Variants in SFMBT1 observed in about 807,000 individuals in gnomAD.
The protein encoded by SFMBT1 is Scm like with four mbt domains 1, also known as scm-like with four MBT domains protein 1.
SFMBT1 carries 32 observed loss-of-function variants against 108.7 expected under a neutral mutation model. The ratio of observed to expected loss-of-function variants is 0.29; its 90% confidence interval spans 0.22 to 0.40. The LOEUF is 0.40. Ranked by LOEUF, SFMBT1 falls within the 10% of genes least tolerant of loss-of-function variation. The probability of loss-of-function intolerance (pLI) is 1.00; values close to 1 mark genes in which losing one functional copy is unlikely to be tolerated. For missense variants in SFMBT1, 816 were observed against 1,059.6 expected (o/e 0.77, Z 3.19); for synonymous variants, 348 against 369.5 (o/e 0.94, Z 0.67).
At position 52,923,337 on chromosome 3, in the gene SFMBT1, G is replaced by A. The variant is rs749976477; in HGVS notation, c.1132-1506C>T. 1.2e-4 allele frequency among the ~76,000 whole-genome samples: 18 copies of A among 152,216 alleles called. 1 individual carries two copies. In the Middle Eastern group the frequency reaches 0.01, roughly 86 times the overall value. ...TCCCAGCACTTTGGGAGGCTGAGGC[G>A]GGTGGATCGCCTGAGGTCAGGAATT... On this transcript the variant is annotated intron_variant, in intron 10 of 20. Transcript: ENST00000394752.
intron 8 of SFMBT1, among the ~76,000 whole-genome samples, chr3:52,929,625 C>G (rs1207714351): frequency 6.6e-6 from 1 of 152,252 alleles, no homozygotes; most frequent in African/African-American, 2.4e-5. Context: ...CACCTGCAGG[C>G]TCAGAATCCC....
chr3:52,977,778 A>G (rs911372874), intron 1 of SFMBT1, among the ~76,000 whole-genome samples: 1 of 152,236 alleles, frequency 6.6e-6, no homozygotes, highest in Non-Finnish European at 1.5e-5. Flanking sequence ...TAACGTGGTC[A>G]GGAAGAATAC....
At chr3:52,990,775 T>C (rs1705093831) in intron 1 of SFMBT1, among the ~76,000 whole-genome samples, 1 of 152,142 alleles carries the variant, frequency 6.6e-6, no homozygotes, top group Non-Finnish European at 1.5e-5. Flanking sequence ...CTAAGGAGTT[T>C]TGGCCTTGGG....
intron 1 of SFMBT1, among the ~76,000 whole-genome samples, chr3:52,993,870 C>T (rs1215557406): frequency 6.7e-6 from 1 of 150,010 alleles, no homozygotes; most frequent in Non-Finnish European, 1.5e-5. Flanking sequence ...ACAGAAGCAT[C>T]GTAAGTCAAA....
chr3:52,978,275 A>T (rs1410729769), intron 1 of SFMBT1, among the ~76,000 whole-genome samples: 1 of 152,050 alleles, frequency 6.6e-6, no homozygotes, highest in Non-Finnish European at 1.5e-5. Context: ...GAAAGGGCCT[A>T]AAGGGAGAGC....
At chr3:53,009,551 T>C (rs1350621676) in intron 1 of SFMBT1, among the ~76,000 whole-genome samples, 2 of 152,218 alleles carry the variant, frequency 1.3e-5, no homozygotes, top group Non-Finnish European at 2.9e-5. Context: ...ATACAATCCT[T>C]CACTCTTTCA....
intron 2 of SFMBT1, among the ~76,000 whole-genome samples, chr3:52,958,018 C>G (rs1310698132): frequency 6.6e-6 from 1 of 152,138 alleles, no homozygotes; most frequent in African/African-American, 2.4e-5. Context: ...CCAGAGCGAA[C>G]AGACAACCTA....
At position 52,921,817 on chromosome 3, in the gene SFMBT1, A is replaced by C. The variant is rs1702528333; in HGVS notation, c.1146T>G (p.His382Gln). 6.2e-7 allele frequency: 1 copy of C among 1,613,748 alleles called. No homozygotes were observed. Among genetic ancestry groups the C allele is most frequent in the Non-Finnish European group, 8.5e-7 (1 of 1,180,012 alleles). The change falls in exon 11 of 21, where the codon CAT (histidine) becomes CAG (glutamine). Residue 382 changes from histidine (H) to glutamine (Q), a missense_variant. His to Gln is a conservative substitution (Grantham distance 24, BLOSUM62 0). This residue lies in a region of SFMBT1 where 495 missense variants were observed against 607.4 expected (regional missense o/e 0.81). Transcript: ENST00000394752. ...CGAGCTTCATGTTCTCCTTAAATTC[A>C]TGTTCAGAAATTAACTAGAAAATGA... is the stretch of plus-strand genomic sequence containing the variant. ...QRCFPPLISE[H>Q]EFKENMKLEA...
At chr3:52,947,339 G>A (rs1223111490) in intron 3 of SFMBT1, among the ~76,000 whole-genome samples, 1 of 150,054 alleles carries the variant, frequency 6.7e-6, no homozygotes, top group Non-Finnish European at 1.5e-5. Context: ...GGATGGTCTC[G>A]ATCTCCTGAC....
Position 52,977,137 on chromosome 3 carries a change from C to T in SFMBT1, c.-130-7879G>A, listed in dbSNP as rs528561677. Among the ~76,000 whole-genome samples the T allele has an allele frequency of 2.0e-5, 3 of 152,308 alleles. No individual in the cohort carries two copies. The South Asian group carries it at 6.2e-4, about 32-fold the overall frequency. ...GAAAGAGTTTAAACTGTCCTCATTT[C>T]AGGGCATACACAGAGAAACATCCCC... On this transcript the variant is annotated intron_variant, in intron 1 of 20. Coordinates refer to ENST00000394752, the MANE Select transcript of SFMBT1 (RefSeq NM_016329.4).
intron 16 of SFMBT1, 87 bp from the exon 17 acceptor site, chr3:52,911,265 AT>A: frequency 7.3e-6 from 10 of 1,377,854 alleles, no homozygotes; most frequent in Non-Finnish European, 9.8e-6. Flanking sequence ...CCTAAAAAAT[AT>A]TTTTGCTTCT....
intron 1 of SFMBT1, among the ~76,000 whole-genome samples, chr3:53,040,000 C>T (rs920878200): frequency 2.0e-5 from 3 of 152,106 alleles, no homozygotes; most frequent in Non-Finnish European, 4.4e-5. Context: ...TATTTTATGA[C>T]GCAAGTCAAA....
intron 2 of SFMBT1, among the ~76,000 whole-genome samples, chr3:52,957,699 C>T (rs2106839153): frequency 6.6e-6 from 1 of 152,262 alleles, no homozygotes; most frequent in South Asian, 2.1e-4. Flanking sequence ...CAAAAACAAG[C>T]ACTGAGGAAA....
chr3:52,984,898 T>C (rs1312285305), intron 1 of SFMBT1, among the ~76,000 whole-genome samples: 1 of 152,004 alleles, frequency 6.6e-6, no homozygotes, highest in Non-Finnish European at 1.5e-5. Context: ...CAATTACTGA[T>C]TAGTACCAGG....
At chr3:53,007,442 C>T (rs892269437) in intron 1 of SFMBT1, among the ~76,000 whole-genome samples, 5 of 152,074 alleles carry the variant, frequency 3.3e-5, no homozygotes, top group African/African-American at 1.2e-4. Context: ...GGAATGTATG[C>T]TGAAACAAAT....
chr3:52,931,322 A>C (rs1037113839), intron 6 of SFMBT1, among the ~76,000 whole-genome samples: 16 of 152,210 alleles, frequency 1.1e-4, no homozygotes, highest in Admixed American at 8.5e-4. Context: ...GGCACATAAT[A>C]ATAAATGCAA....
chr3:53,045,213 C>T (rs1700184171), intron 1 of SFMBT1: 5 of 150,112 alleles, frequency 3.3e-5, no homozygotes, highest in Admixed American at 3.3e-4. Context: ...CCCGGAGCCA[C>T]CGGTTGCGGC....
chr3:52,925,678 T>C (rs1702638980), intron 10 of SFMBT1, among the ~76,000 whole-genome samples: 1 of 152,246 alleles, frequency 6.6e-6, no homozygotes, highest in African/African-American at 2.4e-5. Flanking sequence ...ACCACATGCA[T>C]GTATTATTTG....
chr3:52,941,616 A>AAT (rs1703187081), intron 4 of SFMBT1, among the ~76,000 whole-genome samples: 1 of 147,526 alleles, frequency 6.8e-6, no homozygotes, highest in African/African-American at 2.5e-5. Flanking sequence ...AAAAAAAAAA[A>AAT]AGTTATTGGG....
Sources: gnomAD v4.1 joint callset for allele counts (sites outside exome capture counted in the v4.1 genomes callset) on GRCh38, gnomAD v4.1.1 for gene constraint, gnomAD v4.1.1 regional missense constraint, MANE v1.5 for transcripts, NCBI Gene and HGNC (gene_info 2026-07-23, HGNC 2026-07-21) for gene names.